The following PLA2G5 variants were observed in gnomAD, a reference collection of about 807,000 sequenced individuals.
PLA2G5 encodes the protein Ca2+-dependent phospholipase A2.
In PLA2G5, 12 loss-of-function variants were observed where a neutral mutation model predicts 15.9. The ratio of observed to expected loss-of-function variants is 0.76; its 90% CI spans 0.48 to 1.23. The LOEUF is 1.23. PLA2G5 is among the 50% of genes most tolerant of loss of function. PLA2G5 has a pLI of 0.00. For missense variants in PLA2G5, 169 were observed against 177.1 expected, an observed-to-expected ratio of 0.95 and a Z score of 0.26; for synonymous variants, 71 against 71.4, an observed-to-expected ratio of 0.99 and a Z score of 0.03.
chr1:20,031,310 T>A (rs818675), intron 1 of PLA2G5, among the ~76,000 whole-genome samples: 1 of 151,792 alleles, frequency 6.6e-6, no homozygotes, highest in Non-Finnish European at 1.5e-5. Flanking sequence ...AAAGAGGGGA[T>A]CGTGACTGAT....
rs555239392 is a variant in PLA2G5, at chr1:20,052,912, G to C, written n.277-6720G>C. Reference sequence around the variant, plus strand: ...GAAACTCAAAAGAATGCCACCATCTGTCTGTTATCTACCTATGACCTGGAA... The same window carrying C: ...GAAACTCAAAAGAATGCCACCATCTCTCTGTTATCTACCTATGACCTGGAA... On this transcript the variant is annotated intron_variant and non_coding_transcript_variant, in intron 1 of 6. Coordinates refer to the PLA2G5 transcript ENST00000460175. Among the ~76,000 whole-genome samples the C allele has an allele frequency of 2.0e-5, 3 of 152,194 alleles. No individual in the cohort carries two copies. In the South Asian group the frequency reaches 6.2e-4, roughly 32 times the overall value.
intron 1 of PLA2G5, among the ~76,000 whole-genome samples, chr1:20,072,344 C>T (rs1215202107): frequency 6.6e-6 from 1 of 152,150 alleles, no homozygotes; most frequent in Non-Finnish European, 1.5e-5. Flanking sequence ...GCTGTATCCC[C>T]AGTGTCTAGA....
rs1156323558 is a variant in PLA2G5 at position 20,091,298 on chromosome 1, G to A, written c.*606G>A. On this transcript the variant is annotated 3_prime_UTR_variant, in exon 5 of 5. Coordinates refer to ENST00000375108, the MANE Select transcript of PLA2G5 (RefSeq NM_000929.3). ...AAGATTAGTAAATGCAGGGTTTTCT[G>A]GGATGAGCTTCAGGCTTTCTCTTGG... is the stretch of plus-strand genomic sequence containing the variant. 1 of 152,300 alleles carries A rather than the reference G, an allele frequency of 6.6e-6. No individual in the cohort carries two copies. Among genetic ancestry groups the A allele is most frequent in the Admixed American group, 6.5e-5 (1 of 15,284 alleles). The allele number at this position is 152,300 out of a possible 1,614,324, so 9.4% of individuals were successfully genotyped here.
At chr1:20,061,852 C>T (rs1381303026) in intron 2 of PLA2G5, among the ~76,000 whole-genome samples, 1 of 152,210 alleles carries the variant, frequency 6.6e-6, no homozygotes, top group African/African-American at 2.4e-5. Flanking sequence ...GCCTGGGGGT[C>T]TCTAAGGATA....
At chr1:20,076,152 T>C (rs2015663990) in intron 1 of PLA2G5, among the ~76,000 whole-genome samples, 1 of 152,222 alleles carries the variant, frequency 6.6e-6, no homozygotes, top group Non-Finnish European at 1.5e-5. Flanking sequence ...ATTACAGGCA[T>C]GAGCCACTGT....
intron 1 of PLA2G5, among the ~76,000 whole-genome samples, chr1:20,038,369 A>G (rs541407154): frequency 9.2e-5 from 14 of 152,258 alleles, no homozygotes; most frequent in Non-Finnish European, 1.3e-4. Flanking sequence ...TCTTTCCCCA[A>G]TTACACTAGC....
chr1:20,044,417 G>A (rs1168895983), intron 1 of PLA2G5, among the ~76,000 whole-genome samples: 2 of 152,058 alleles, frequency 1.3e-5, no homozygotes, highest in Non-Finnish European at 2.9e-5. Flanking sequence ...TGTATTTAAT[G>A]TCTGGAGCAG....
intron 1 of PLA2G5, among the ~76,000 whole-genome samples, chr1:20,081,090 G>A (rs1423248665): frequency 7.2e-5 from 11 of 151,874 alleles, no homozygotes; most frequent in Non-Finnish European, 4.4e-5. Context: ...ACCTGGCCAC[G>A]TCCTGGCCTC....
chr1:20,061,714 T>C (rs2014745385), intron 2 of PLA2G5, among the ~76,000 whole-genome samples: 1 of 152,220 alleles, frequency 6.6e-6, no homozygotes. Context: ...CCTTCCCCTG[T>C]GGGTAACCCA....
chr1:20,083,762 A>G (rs1405079280), intron 1 of PLA2G5, among the ~76,000 whole-genome samples: 1 of 151,764 alleles, frequency 6.6e-6, no homozygotes, highest in Non-Finnish European at 1.5e-5. Context: ...GGGGTGCAGA[A>G]GGACGCGGCT....
At chr1:20,086,564 G>A (rs2016302080) in intron 3 of PLA2G5, among the ~76,000 whole-genome samples, 1 of 152,172 alleles carries the variant, frequency 6.6e-6, no homozygotes, top group Admixed American at 6.5e-5. Flanking sequence ...CTTCCAGATG[G>A]CTCACTCCTA....
At chr1:20,058,675 G>T (rs1282470524) in intron 1 of PLA2G5, among the ~76,000 whole-genome samples, 1 of 152,104 alleles carries the variant, frequency 6.6e-6, no homozygotes, top group African/African-American at 2.4e-5. Context: ...AAGTGGTTTT[G>T]CCAGTACAGT....
chr1:20,047,757 T>C (rs921033225), intron 1 of PLA2G5, among the ~76,000 whole-genome samples: 11 of 143,148 alleles, frequency 7.7e-5, no homozygotes, highest in African/African-American at 2.9e-4. Context: ...TGTGTGTGTG[T>C]ATGTGTATAT....
At chr1:20,071,607 C>T (rs759487143) in intron 1 of PLA2G5, among the ~76,000 whole-genome samples, 4 of 152,228 alleles carry the variant, frequency 2.6e-5, no homozygotes, top group Middle Eastern at 3.4e-3. Flanking sequence ...CCGGGCAGGG[C>T]GATGGATTCA....
chr1:20,065,300 G>A (rs1216737219), upstream of PLA2G5, among the ~76,000 whole-genome samples: 1 of 152,170 alleles, frequency 6.6e-6, no homozygotes, highest in East Asian at 1.9e-4. Context: ...TATACATTAA[G>A]GTTCACCTTT....
rs376716914 is a variant in PLA2G5, at chr1:20,042,323, G to A, written n.276+13614G>A. The stretch of plus-strand genomic sequence containing the variant: ...ATCAGGGTGAGGAACAGGAAAGAAG[G>A]AAATATGGGGAAATGGAGTGAATGT... On this transcript the variant is annotated intron_variant and non_coding_transcript_variant, in intron 1 of 6. Coordinates refer to the PLA2G5 transcript ENST00000460175. Among the ~76,000 whole-genome samples, 1,120 of 152,254 alleles carry A rather than the reference G, an allele frequency of 7.4e-3. 19 individuals are homozygous for A. Among genetic ancestry groups the A allele is most frequent in the African/African-American group, 0.025 (1,059 of 41,542 alleles).
intron 1 of PLA2G5, among the ~76,000 whole-genome samples, chr1:20,044,198 C>A (rs1037162525): frequency 3.9e-5 from 6 of 152,160 alleles, no homozygotes; most frequent in Admixed American, 3.9e-4. Flanking sequence ...TTGACCACTG[C>A]AGCTTAGGCA....
At chr1:20,059,827 G>A (rs1243309041) in intron 2 of PLA2G5, 2 of 152,226 alleles carry the variant, frequency 1.3e-5, no homozygotes, top group East Asian at 1.9e-4. Context: ...TAGCAGAGGT[G>A]TGACTCTGGG....
At chr1:20,090,429 A>T in intron 4 of PLA2G5, 139 bp from the exon 5 acceptor site, 1 of 833,680 alleles carries the variant, frequency 1.2e-6, no homozygotes, top group Non-Finnish European at 2.0e-6. Context: ...CTTCCATCAG[A>T]TTCTCTATTC....
Sources: gnomAD v4.1 joint callset for allele counts (sites outside exome capture counted in the v4.1 genomes callset) on GRCh38, gnomAD v4.1.1 for gene constraint, MANE v1.5 for transcripts, NCBI Gene and HGNC (gene_info 2026-07-23, HGNC 2026-07-21) for gene names.